The following AP2B1 variants were observed in gnomAD, a reference collection of about 807,000 sequenced individuals.
AP2B1 encodes adaptor related protein complex 2 subunit beta 1, also known as AP-2 complex subunit beta.
A neutral mutation model predicts 102.0 loss-of-function variants in AP2B1; 23 were observed. The ratio of observed to expected loss-of-function variants is 0.23; its 90% CI spans 0.16 to 0.32. The LOEUF (loss-of-function observed/expected upper bound fraction) is 0.32. Ranked by LOEUF, AP2B1 falls within the 10% of genes least tolerant of loss-of-function variation. The probability of loss-of-function intolerance (pLI) is 1.00; values close to 1 mark genes in which losing one functional copy is unlikely to be tolerated. For missense variants in AP2B1, 541 were observed against 1,157.4 expected (o/e 0.47, Z 7.73); for synonymous variants, 381 against 421.2 (o/e 0.90, Z 1.17).
intron 20 of AP2B1, among the ~76,000 whole-genome samples, chr17:35,712,698 A>G (rs1245623339): frequency 1.3e-5 from 2 of 152,270 alleles, no homozygotes; most frequent in African/African-American, 2.4e-5. Context: ...GTTGAAAAAT[A>G]CAGCATATGC....
rs192046483 is a variant in AP2B1 at position 35,672,435 on chromosome 17, C to T, written c.2178+535C>T. Among the ~76,000 whole-genome samples the T allele has an allele frequency of 4.8e-3, 724 of 152,254 alleles. 1 individual carries two copies. The highest frequency in any genetic ancestry group is 8.3e-3 in the Non-Finnish European group (562 of 68,004). On this transcript the variant is annotated intron_variant, in intron 16 of 21. Coordinates refer to ENST00000610402, the MANE Select transcript of AP2B1 (RefSeq NM_001030006.2). Reference sequence around the variant, plus strand: ...ATTGAAGTTCAAGAGGGGAAACTCCCGGTTAATGAAGCTCATTTAAGCCCT... The same window carrying T: ...ATTGAAGTTCAAGAGGGGAAACTCCTGGTTAATGAAGCTCATTTAAGCCCT...
chr17:35,722,277 G>C (rs942365380), intron 21 of AP2B1, among the ~76,000 whole-genome samples: 2 of 152,152 alleles, frequency 1.3e-5, no homozygotes, highest in Non-Finnish European at 2.9e-5. Context: ...GAGTTTGAAA[G>C]TCAGGGAAAT....
chr17:35,589,986 C>T (rs1468463502), intron 1 of AP2B1, among the ~76,000 whole-genome samples: 3 of 135,720 alleles, frequency 2.2e-5, no homozygotes, highest in Admixed American at 8.4e-5. Flanking sequence ...AGTGCAGTGG[C>T]GCGATCTCGG....
intron 3 of AP2B1, among the ~76,000 whole-genome samples, chr17:35,603,175 C>T (rs1298224144): frequency 1.3e-5 from 2 of 152,018 alleles, no homozygotes; most frequent in East Asian, 3.9e-4. Flanking sequence ...TTGTATATAC[C>T]CTGTGACCAG....
At chr17:35,689,320 C>T (rs1412489643) in intron 18 of AP2B1, among the ~76,000 whole-genome samples, 3 of 152,120 alleles carry the variant, frequency 2.0e-5, no homozygotes, top group African/African-American at 7.2e-5. Context: ...GCTGGGATTA[C>T]AGGCACGTGC....
chr17:35,645,828 A>G (rs1334155505), intron 12 of AP2B1, among the ~76,000 whole-genome samples: 1 of 152,196 alleles, frequency 6.6e-6, no homozygotes, highest in Non-Finnish European at 1.5e-5. Flanking sequence ...CAGCCTGGGC[A>G]AGAAGACCTA....
intron 1 of AP2B1, among the ~76,000 whole-genome samples, chr17:35,592,624 C>T (rs934257060): frequency 6.6e-6 from 1 of 152,188 alleles, no homozygotes; most frequent in Admixed American, 6.5e-5. Flanking sequence ...CTTACTGCAG[C>T]TTCCGCCTCC....
At chr17:35,640,237 T>TA (rs200117034) in intron 11 of AP2B1, among the ~76,000 whole-genome samples, 91,872 of 144,352 alleles carry the variant, frequency 0.64, 28,865 homozygotes, top group Middle Eastern at 0.7. Flanking sequence ...ATTTTTTTTT[T>TA]TTTTTTTTTT....
At chr17:35,717,159 A>C in intron 20 of AP2B1, 36 bp from the exon 21 acceptor site, 1 of 1,608,612 alleles carries the variant, frequency 6.2e-7, no homozygotes, top group South Asian at 1.1e-5. Context: ...TTGAGATTTT[A>C]ACTGAAGGTG....
At chr17:35,615,594 AAACTTAATGACTT>A (rs1199165713) in intron 5 of AP2B1, among the ~76,000 whole-genome samples, 1 of 152,246 alleles carries the variant, frequency 6.6e-6, no homozygotes, top group Non-Finnish European at 1.5e-5. Flanking sequence ...ATGCATAGAA[AAACTTAATGACTT>A]AACTTTATTT....
chr17:35,707,229 C>T (rs371095609), intron 18 of AP2B1, among the ~76,000 whole-genome samples: 3 of 152,098 alleles, frequency 2.0e-5, no homozygotes, highest in African/African-American at 7.2e-5. Flanking sequence ...TTTCGGCTCA[C>T]TGCAGCCTTG....
intron 9 of AP2B1, among the ~76,000 whole-genome samples, chr17:35,631,712 A>T (rs920380879): frequency 6.6e-6 from 1 of 152,146 alleles, no homozygotes; most frequent in African/African-American, 2.4e-5. Flanking sequence ...TAGGACCTTA[A>T]AGTTGTTTCT....
At chr17:35,655,790 T>C (rs2049023106) in intron 13 of AP2B1, among the ~76,000 whole-genome samples, 1 of 152,240 alleles carries the variant, frequency 6.6e-6, no homozygotes, top group Admixed American at 6.5e-5. Flanking sequence ...ATCTACATTG[T>C]CAGCAATGCT....
chr17:35,714,858 C>T (rs1441994300), intron 20 of AP2B1, among the ~76,000 whole-genome samples: 1 of 152,272 alleles, frequency 6.6e-6, no homozygotes, highest in East Asian at 1.9e-4. Context: ...CACAGTGAAA[C>T]AATATTACAT....
At chr17:35,662,188 C>T (rs2075371206) in intron 14 of AP2B1, among the ~76,000 whole-genome samples, 1 of 152,138 alleles carries the variant, frequency 6.6e-6, no homozygotes. Context: ...AGAAAGCAGA[C>T]ATCTTTGAAT....
chr17:35,611,470 T>A (rs1044001949), intron 5 of AP2B1, among the ~76,000 whole-genome samples: 4 of 152,162 alleles, frequency 2.6e-5, no homozygotes, highest in African/African-American at 9.7e-5. Flanking sequence ...AAGTCGTGTG[T>A]GTGTGTGTGT....
chr17:35,675,838 AATC>A (rs1354989873), intron 17 of AP2B1, among the ~76,000 whole-genome samples: 6 of 152,292 alleles, frequency 3.9e-5, no homozygotes, highest in Non-Finnish European at 7.4e-5. Flanking sequence ...CGTTAAAAAA[AATC>A]ATCAAATTCT....
intron 4 of AP2B1, chr17:35,607,737 A>G (rs1436512744): frequency 6.6e-6 from 1 of 151,914 alleles, no homozygotes; most frequent in African/African-American, 2.5e-5. Flanking sequence ...ATGTTTAGGA[A>G]CTCACTGTGG....
At chr17:35,695,813 C>T (rs1042488103) in intron 18 of AP2B1, among the ~76,000 whole-genome samples, 8 of 152,120 alleles carry the variant, frequency 5.3e-5, no homozygotes, top group African/African-American at 1.9e-4. Context: ...GATAGCTACA[C>T]AGCTACATGT....
Sources: allele counts gnomAD v4.1 joint callset (sites outside exome capture counted in the v4.1 genomes callset), GRCh38; gene constraint gnomAD v4.1.1; transcripts MANE v1.5; gene names NCBI Gene and HGNC (gene_info 2026-07-23, HGNC 2026-07-21).